The following CCT6B variants were observed in gnomAD, a reference collection of about 807,000 sequenced individuals.
The protein encoded by CCT6B is probable T-complex protein 1 subunit zeta-2.
CCT6B carries 49 observed loss-of-function variants against 61.5 expected under a neutral mutation model. The observed-to-expected ratio is 0.80, with a 90% CI of 0.63 to 1.01. The LOEUF is 1.01. Ranked by LOEUF, CCT6B falls within the 50% of genes least tolerant of loss-of-function variation. The probability of loss-of-function intolerance (pLI) is 0.00; values close to 1 mark genes in which losing one functional copy is unlikely to be tolerated. For missense variants in CCT6B, 666 were observed against 634.7 expected, an observed-to-expected ratio of 1.05 and a Z score of -0.53; for synonymous variants, 228 against 214.5, an observed-to-expected ratio of 1.06 and a Z score of -0.55.
intron 10 of CCT6B, among the ~76,000 whole-genome samples, chr17:34,937,915 G>T (rs2090113024): frequency 6.6e-6 from 1 of 150,596 alleles, no homozygotes; most frequent in African/African-American, 2.4e-5. Flanking sequence ...TGGAAACAGG[G>T]TCTCACTCTG....
At chr17:34,949,069 G>C (rs548813854) in intron 5 of CCT6B, among the ~76,000 whole-genome samples, 3 of 42,668 alleles carry the variant, frequency 7.0e-5, no homozygotes, top group East Asian at 8.4e-4. Context: ...GGAAGGGAAG[G>C]GGGAGGGGAG....
intron 3 of CCT6B, among the ~76,000 whole-genome samples, chr17:34,957,809 T>C (rs1022282678): frequency 4.6e-5 from 7 of 152,074 alleles, no homozygotes; most frequent in East Asian, 1.9e-4. Context: ...AAGGTAAAAA[T>C]GTACATGATG....
At chr17:34,956,427 G>A (rs548239735) in intron 3 of CCT6B, among the ~76,000 whole-genome samples, 2 of 152,188 alleles carry the variant, frequency 1.3e-5, no homozygotes, top group South Asian at 2.1e-4. Context: ...AGTTTAGGAC[G>A]TCCCTCCAGC....
intron 2 of CCT6B, among the ~76,000 whole-genome samples, chr17:34,959,076 A>T (rs2090380551): frequency 6.6e-6 from 1 of 151,632 alleles, no homozygotes; most frequent in Non-Finnish European, 1.5e-5. Context: ...TAAGTATACA[A>T]AGTATGTATA....
intron 1 of CCT6B, among the ~76,000 whole-genome samples, chr17:34,960,684 C>T (rs1229273814): frequency 6.6e-6 from 1 of 152,216 alleles, no homozygotes; most frequent in East Asian, 1.9e-4. Flanking sequence ...TTGTTCATTA[C>T]TATGAGGATG....
chr17:34,931,133 C>T, intron 11 of CCT6B, 82 bp from the exon 12 acceptor site: 1 of 409,298 alleles, frequency 2.4e-6, no homozygotes, highest in Non-Finnish European at 3.9e-6. Flanking sequence ...ATACTCTTTA[C>T]TCTTGTAAAA....
At chr17:34,944,693 G>A (rs1019831784) in intron 5 of CCT6B, among the ~76,000 whole-genome samples, 12 of 152,334 alleles carry the variant, frequency 7.9e-5, no homozygotes, top group African/African-American at 2.4e-4. Flanking sequence ...TTGGGAGGCC[G>A]AGGCAGGCGG....
intron 5 of CCT6B, among the ~76,000 whole-genome samples, chr17:34,945,518 C>T (rs2142159982): frequency 6.6e-6 from 1 of 152,294 alleles, no homozygotes; most frequent in African/African-American, 2.4e-5. Context: ...CTATGTTGAA[C>T]CCTCAACAAA....
intron 4 of CCT6B, among the ~76,000 whole-genome samples, chr17:34,953,720 G>A (rs916525654): frequency 1.3e-5 from 2 of 152,092 alleles, no homozygotes; most frequent in South Asian, 2.1e-4. Context: ...TTGGAAGCCC[G>A]AGGTGGGTGT....
intron 4 of CCT6B, among the ~76,000 whole-genome samples, chr17:34,953,064 G>C (rs1471933346): frequency 6.6e-6 from 1 of 151,956 alleles, no homozygotes; most frequent in Non-Finnish European, 1.5e-5. Flanking sequence ...ACGGTAAGGA[G>C]AATCGATCAG....
intron 3 of CCT6B, among the ~76,000 whole-genome samples, chr17:34,957,302 G>A (rs969535306): frequency 1.3e-5 from 2 of 151,788 alleles, no homozygotes; most frequent in Non-Finnish European, 2.9e-5. Context: ...GCACCAACAC[G>A]CCTGGCTAAT....
In CCT6B at chr17:34,932,409, A is replaced by G. The variant is rs759650026; in HGVS notation, c.1305T>C (p.Leu435=). The G allele has an allele frequency of 1.5e-5, 24 of 1,612,162 alleles. No homozygotes were observed. The highest frequency in any genetic ancestry group is 2.0e-5 in the Non-Finnish European group (23 of 1,179,312). The part of the protein sequence containing the change: ...YKNSIKGRAR[L]GVQAFADALL... ...AGGCATCAGCAAAAGCTTGGACTCC[A>G]AGACGAGCTCTTCCTTTTATACTGT... The change falls in exon 11 of 14, where the codon CTT becomes CTC. Residue 435 remains leucine, a synonymous_variant. Coordinates refer to ENST00000314144, the MANE Select transcript of CCT6B (RefSeq NM_006584.4).
chr17:34,959,438 T>A (rs1000935173), intron 2 of CCT6B, 149 bp downstream of exon 2: 24 of 555,710 alleles, frequency 4.3e-5, no homozygotes, highest in South Asian at 2.4e-4. Flanking sequence ...GCCAAAAAAA[T>A]TTTTTTATTG....
intron 8 of CCT6B, among the ~76,000 whole-genome samples, chr17:34,940,245 T>G (rs1441039856): frequency 6.6e-6 from 1 of 152,194 alleles, no homozygotes; most frequent in Non-Finnish European, 1.5e-5. Flanking sequence ...TCAACTTTTT[T>G]AGATTCCATA....
rs774359718 is a variant in CCT6B, at chr17:34,961,434, C to G, written c.-41G>C. ...AGGGAGAAAAAAAAAAAGCCTTAGTCGCGATTCTGAGCAAAAACGGCAATG... is the reference window on the plus strand; with the variant it reads ...AGGGAGAAAAAAAAAAAGCCTTAGTGGCGATTCTGAGCAAAAACGGCAATG... On this transcript the variant is annotated 5_prime_UTR_variant, in exon 1 of 14. Transcript: ENST00000314144. 4.5e-6 allele frequency: 7 copies of G among 1,565,776 alleles called. No individual in the cohort carries two copies. Among genetic ancestry groups the G allele is most frequent in the Admixed American group, 2.0e-5 (1 of 50,896 alleles).
In CCT6B at chr17:34,928,999, C is replaced by A; in HGVS notation, c.1486G>T (p.Asp496Tyr). ...AGTTGTTTTTTTACACAATAATTATCCCAAACTCCTGCATCTGCTGCTACC... is the reference window on the plus strand; with the variant it reads ...AGTTGTTTTTTTACACAATAATTATACCAAACTCCTGCATCTGCTGCTACC... ...PMVAADAGVW[D>Y]NYCVKKQLLH... Residue 496 changes from aspartate to tyrosine, a missense_variant, in exon 13 of 14, where the codon GAT becomes TAT. Asp to Tyr is a radical substitution (Grantham distance 160). Coordinates refer to ENST00000314144, the MANE Select transcript of CCT6B (RefSeq NM_006584.4). 6.2e-7 allele frequency: 1 copy of A among 1,609,462 alleles called. No individual in the cohort carries two copies. Among genetic ancestry groups the A allele is most frequent in the South Asian group, 1.1e-5 (1 of 90,316 alleles).
intron 5 of CCT6B, among the ~76,000 whole-genome samples, chr17:34,946,379 T>C (rs536443947): frequency 6.6e-6 from 1 of 152,264 alleles, no homozygotes. Flanking sequence ...ATATTATAAT[T>C]ATCAAACATG....
intron 7 of CCT6B, among the ~76,000 whole-genome samples, chr17:34,941,920 C>G (rs1241546328): frequency 3.3e-5 from 5 of 152,060 alleles, no homozygotes; most frequent in Admixed American, 2.6e-4. Context: ...CACCTGTAGT[C>G]CTGGCTACTT....
chr17:34,939,497 ATCTGT>A lies in CCT6B; in HGVS notation c.1065+115_1065+119del, dbSNP rs1368882100. On this transcript the variant is annotated intron_variant, in intron 9 of 13. Transcript: ENST00000314144. ...AACATTTAGGTAAATAAACTGTAAA[ATCTGT>A]TCTGTGAATTAGATCTCAAAACACA... The A allele has an allele frequency of 2.6e-5, 22 of 845,804 alleles. No individual in the cohort carries two copies. The East Asian group carries it at 5.6e-4, about 22-fold the overall frequency. 52.4% of individuals were successfully genotyped at this position (845,804 alleles called of 1,614,324 possible).
Sources: gnomAD v4.1 joint callset for allele counts (sites outside exome capture counted in the v4.1 genomes callset) on GRCh38, gnomAD v4.1.1 for gene constraint, MANE v1.5 for transcripts, NCBI Gene and HGNC (gene_info 2026-07-23, HGNC 2026-07-21) for gene names.